CXADR: variants seen among roughly 807,000 people sequenced by gnomAD.
CXADR encodes the protein CXADR cell adhesion molecule, also known as coxsackievirus and adenovirus receptor.
Under a neutral mutation model 40.3 loss-of-function variants are expected in CXADR, and 20 were observed. The observed-to-expected ratio is 0.50, with a 90% confidence interval of 0.35 to 0.72. CXADR has a LOEUF of 0.72. CXADR is among the 30% of genes least tolerant of loss of function. The pLI, the probability that CXADR is intolerant of heterozygous loss-of-function variation, is 0.01. For synonymous variants in CXADR, 150 were observed against 161.3 expected (o/e 0.93, Z 0.53); for missense variants, 332 against 449.1 (o/e 0.74, Z 2.36).
chr21:17,573,770 G>A (rs972922305), downstream of CXADR, among the ~76,000 whole-genome samples: 1 of 152,178 alleles, frequency 6.6e-6, no homozygotes, highest in African/African-American at 2.4e-5. Context: ...TTAGCTGGGT[G>A]GTGGCACATG....
At chr21:17,554,536 T>A (rs2061010359) in intron 3 of CXADR, among the ~76,000 whole-genome samples, 2 of 151,936 alleles carry the variant, frequency 1.3e-5, no homozygotes, top group South Asian at 4.2e-4. Flanking sequence ...AGCAGGGAAG[T>A]GATTGCCGAA....
chr21:17,609,143 A>ATT, the CXADR span: 47 of 1,602,776 alleles, frequency 2.9e-5, 1 homozygote, highest in African/African-American at 5.0e-4. Context: ...TTCATTCTTC[A>ATT]TTTTTTTCCC....
At chr21:17,546,066 A>G (rs1242672173) in intron 1 of CXADR, among the ~76,000 whole-genome samples, 1 of 152,186 alleles carries the variant, frequency 6.6e-6, no homozygotes, top group African/African-American at 2.4e-5. Flanking sequence ...GGCGTGAGCC[A>G]CCGTGCCTGG....
intron 3 of CXADR, among the ~76,000 whole-genome samples, chr21:17,552,715 A>G (rs2060984515): frequency 6.6e-6 from 1 of 152,168 alleles, no homozygotes; most frequent in South Asian, 2.1e-4. Flanking sequence ...TAATGACAGT[A>G]AATTCCCCTG....
At chr21:17,622,594 G>A in the CXADR span, among the ~76,000 whole-genome samples, 113 of 151,896 alleles carry the variant, frequency 7.4e-4, no homozygotes, top group African/African-American at 2.7e-3. Flanking sequence ...CAAATAACTG[G>A]TTTTTTTTCC....
chr21:17,558,401 AG>A (rs1486676847), intron 3 of CXADR, among the ~76,000 whole-genome samples: 1 of 152,142 alleles, frequency 6.6e-6, no homozygotes, highest in Non-Finnish European at 1.5e-5. Context: ...CAAAGTGCTG[AG>A]ATTACACTAT....
At chr21:17,593,121 TATAGAG>T in intron 7 of CXADR, 1 of 1,388,256 alleles carries the variant, frequency 7.2e-7, no homozygotes, top group Non-Finnish European at 9.4e-7. Flanking sequence ...TCAAAACTCT[TATAGAG>T]ATATCTCTTT....
intron 2 of CXADR, among the ~76,000 whole-genome samples, chr21:17,547,975 A>G (rs1487454697): frequency 1.3e-5 from 2 of 152,164 alleles, no homozygotes; most frequent in South Asian, 2.1e-4. Flanking sequence ...TCATCTCCAA[A>G]TATATGTCAT....
chr21:17,524,977 T>A (rs1357591983), intron 1 of CXADR, among the ~76,000 whole-genome samples: 4 of 152,202 alleles, frequency 2.6e-5, no homozygotes, highest in African/African-American at 9.6e-5. Flanking sequence ...TTTTGTAGTT[T>A]ATTTCAGTTG....
At chr21:17,579,212 C>A (rs2061342400) in intron 7 of CXADR, among the ~76,000 whole-genome samples, 1 of 151,956 alleles carries the variant, frequency 6.6e-6, no homozygotes, top group South Asian at 2.1e-4. Flanking sequence ...GAGATGGATG[C>A]AGATTTAACA....
At chr21:17,628,765 A>C in the CXADR span, among the ~76,000 whole-genome samples, 92 of 152,114 alleles carry the variant, frequency 6.0e-4, 1 homozygote, top group African/African-American at 2.0e-3. Context: ...GGCCTCCCAA[A>C]GTGTTGGGAT....
chr21:17,598,041 G>A (rs143243490), downstream of CXADR, among the ~76,000 whole-genome samples: 6 of 152,226 alleles, frequency 3.9e-5, no homozygotes, highest in African/African-American at 1.4e-4. Context: ...GAAGAATGCT[G>A]TTTGGTCAAC....
At chr21:17,602,361 A>T in the CXADR span, among the ~76,000 whole-genome samples, 1 of 151,570 alleles carries the variant, frequency 6.6e-6, no homozygotes. Flanking sequence ...GTGCATCTCA[A>T]TTTTTTTTTA....
chr21:17,617,553 A>G, the CXADR span, among the ~76,000 whole-genome samples: 10 of 152,368 alleles, frequency 6.6e-5, no homozygotes, highest in East Asian at 3.9e-4. Flanking sequence ...GAATATTGCA[A>G]TAATGCAAGT....
chr21:17,600,433 ATTCAT>A, the CXADR span, among the ~76,000 whole-genome samples: 2 of 152,236 alleles, frequency 1.3e-5, no homozygotes, highest in African/African-American at 4.8e-5. Flanking sequence ...GCTGAAGTTA[ATTCAT>A]TTCAAGATAG....
downstream of CXADR, among the ~76,000 whole-genome samples, chr21:17,570,657 G>A (rs368446419): frequency 1.2e-4 from 18 of 152,262 alleles, no homozygotes; most frequent in South Asian, 1.9e-3. Flanking sequence ...GTGCTATCAC[G>A]TTGAGTATTA....
chr21:17,614,893 C>T, the CXADR span, among the ~76,000 whole-genome samples: 3 of 152,282 alleles, frequency 2.0e-5, no homozygotes, highest in East Asian at 3.9e-4. Context: ...CTCTTGTGTG[C>T]TTCAGATGCT....
intron 1 of CXADR, among the ~76,000 whole-genome samples, chr21:17,523,948 T>C (rs1172687270): frequency 2.6e-5 from 4 of 152,006 alleles, no homozygotes; most frequent in African/African-American, 9.7e-5. Context: ...AACCTCCGCC[T>C]CCCAGGTTTA....
chr21:17,588,146 G>A lies in CXADR; in HGVS notation c.1018-5006G>A, dbSNP rs1231126380. ...GTTTTGGTTACTGTAGGCTTGTAGT[G>A]TAGTTTGAAGTCAGGTAGTGTGATG... On this transcript the variant is annotated intron_variant, in intron 7 of 7. Coordinates refer to the CXADR transcript ENST00000400169. Among the ~76,000 whole-genome samples the A allele has an allele frequency of 2.6e-5, 4 of 152,098 alleles. 1 individual carries two copies. Among genetic ancestry groups the A allele is most frequent in the Admixed American group, 1.3e-4 (2 of 15,260 alleles).
Sources: allele counts gnomAD v4.1 joint callset (sites outside exome capture counted in the v4.1 genomes callset), GRCh38; gene constraint gnomAD v4.1.1; transcripts MANE v1.5; gene names NCBI Gene and HGNC (gene_info 2026-07-23, HGNC 2026-07-21).